The following PPFIA2 variants were observed in gnomAD, a reference collection of about 807,000 sequenced individuals.
The protein encoded by PPFIA2 is liprin-alpha-2.
A neutral mutation model predicts 175.5 loss-of-function variants in PPFIA2; 46 were observed. The ratio of observed to expected loss-of-function variants is 0.26; its 90% CI spans 0.21 to 0.34. The LOEUF (loss-of-function observed/expected upper bound fraction) is 0.34, where lower values mean the gene tolerates loss of function less well. PPFIA2 is among the 10% of genes least tolerant of loss of function. The pLI is 1.00. For synonymous variants in PPFIA2, 568 were observed against 511.4 expected, an observed-to-expected ratio of 1.11 and a Z score of -1.49; for missense variants, 1,179 against 1,506.1, an observed-to-expected ratio of 0.78 and a Z score of 3.60.
chr12:81,302,695 C>G (rs1055647805), intron 22 of PPFIA2: 1 of 452,900 alleles, frequency 2.2e-6, no homozygotes, highest in Non-Finnish European at 4.4e-6. Flanking sequence ...ATGTGCTTTT[C>G]CTTTTGAGAG....
Position 81,646,497 on chromosome 12 carries a change from T to C in PPFIA2, c.303+30294A>G, listed in dbSNP as rs2066099385. On this transcript the variant is annotated intron_variant, in intron 4 of 32. Coordinates refer to ENST00000549396, the MANE Select transcript of PPFIA2 (RefSeq NM_003625.5). ...GTAAGTAGGAAGCCACAATAGTCTA[T>C]TGCTAGGGAAGGCACAGGAATGCAA... 2.0e-5 allele frequency among the ~76,000 whole-genome samples: 3 copies of C among 152,136 alleles called. No homozygotes were observed. The South Asian group carries it at 6.2e-4, about 32-fold the overall frequency.
intron 7 of PPFIA2, among the ~76,000 whole-genome samples, chr12:81,407,252 A>T (rs758853213): frequency 5.3e-5 from 8 of 152,124 alleles, no homozygotes; most frequent in Non-Finnish European, 1.2e-4. Flanking sequence ...TGGGAGGCCA[A>T]GGTGGCCAGA....
At chr12:81,719,222 C>T (rs1279686294) in intron 3 of PPFIA2, among the ~76,000 whole-genome samples, 1 of 151,522 alleles carries the variant, frequency 6.6e-6, no homozygotes, top group Non-Finnish European at 1.5e-5. Flanking sequence ...GTGGGTTCAG[C>T]CCTCTGTTGT....
chr12:81,466,243 T>C (rs148569261), intron 4 of PPFIA2, among the ~76,000 whole-genome samples: 389 of 152,324 alleles, frequency 2.6e-3, no homozygotes, highest in African/African-American at 8.7e-3. Context: ...TGTATCTATA[T>C]TCTAATTAGA....
intron 16 of PPFIA2, 88 bp from the exon 17 acceptor site, chr12:81,353,427 T>A (rs2060354722): frequency 1.1e-6 from 1 of 927,702 alleles, no homozygotes; most frequent in African/African-American, 1.6e-5. Flanking sequence ...ACAACAGGCA[T>A]GCTTTTACAA....
chr12:81,335,909 G>T (rs2057051326), intron 21 of PPFIA2, among the ~76,000 whole-genome samples: 1 of 152,062 alleles, frequency 6.6e-6, no homozygotes, highest in Non-Finnish European at 1.5e-5. Flanking sequence ...GGTAAACTTG[G>T]CTTAAATTAT....
chr12:81,493,787 T>TATATATATACATATAC lies in PPFIA2; in HGVS notation c.304-35922_304-35921insGTATATGTATATATAT, dbSNP rs1491517743. Among the ~76,000 whole-genome samples the TATATATATACATATAC allele has an allele frequency of 4.7e-5, 6 of 128,348 alleles. No individual in the cohort carries two copies. The Admixed American group carries it at 4.8e-4, about 10-fold the overall frequency. The allele number at this position is 128,348 out of a possible 152,430, so 84.2% of individuals were successfully genotyped here. A position where few individuals can be genotyped will look rare whatever the true frequency, so the allele number is the denominator to read the frequency against. ...ATATATATATATATATATATATATA[T>TATATATATACATATAC]ACACATTGGAAAAAATAACAGCATT... On this transcript the variant is annotated intron_variant, in intron 4 of 32. Coordinates refer to ENST00000549396, the MANE Select transcript of PPFIA2 (RefSeq NM_003625.5).
chr12:81,399,586 T>A (rs1039214675), intron 8 of PPFIA2, among the ~76,000 whole-genome samples: 1 of 152,110 alleles, frequency 6.6e-6, no homozygotes, highest in African/African-American at 2.4e-5. Flanking sequence ...TACAACTTCA[T>A]GTATATATGG....
At chr12:81,386,066 T>G (rs538701237) in intron 8 of PPFIA2, among the ~76,000 whole-genome samples, 3 of 151,462 alleles carry the variant, frequency 2.0e-5, no homozygotes, top group African/African-American at 7.3e-5. Context: ...CTTGAGGCGA[T>G]GAATTTGAGA....
chr12:81,289,454 C>T (rs1039749843), intron 24 of PPFIA2, among the ~76,000 whole-genome samples: 3 of 151,746 alleles, frequency 2.0e-5, no homozygotes, highest in African/African-American at 7.2e-5. Flanking sequence ...TTACATAAAG[C>T]AAAATATAAA....
intron 24 of PPFIA2, chr12:81,294,482 GAA>G: frequency 5.4e-6 from 1 of 186,440 alleles, no homozygotes. Context: ...AGGAAGGAAG[GAA>G]GGAAAGAAGG....
chr12:81,684,816 T>C (rs1247975740), intron 3 of PPFIA2, among the ~76,000 whole-genome samples: 2 of 152,098 alleles, frequency 1.3e-5, no homozygotes, highest in South Asian at 4.1e-4. Flanking sequence ...AACTCTGTAT[T>C]TTCTCATCTC....
At chr12:81,322,237 G>T (rs2053819486) in intron 22 of PPFIA2, among the ~76,000 whole-genome samples, 1 of 152,000 alleles carries the variant, frequency 6.6e-6, no homozygotes, top group South Asian at 2.1e-4. Context: ...AAATATGAGG[G>T]CGAAAGGTAT....
intron 24 of PPFIA2, among the ~76,000 whole-genome samples, chr12:81,284,767 GA>G (rs751834985): frequency 1.3e-5 from 2 of 151,600 alleles, no homozygotes; most frequent in South Asian, 2.1e-4. Context: ...TCCTTTGAAG[GA>G]AAAAAAATGG....
At chr12:81,448,588 T>C (rs2051785060) in intron 5 of PPFIA2, among the ~76,000 whole-genome samples, 2 of 152,340 alleles carry the variant, frequency 1.3e-5, no homozygotes, top group African/African-American at 4.8e-5. Context: ...TCTGAACTTA[T>C]CTCCTATTTT....
At chr12:81,510,831 A>G (rs2147785689) in intron 4 of PPFIA2, among the ~76,000 whole-genome samples, 1 of 152,266 alleles carries the variant, frequency 6.6e-6, no homozygotes, top group Admixed American at 6.5e-5. Context: ...CATGACTAAC[A>G]AGCATAAAAA....
At chr12:81,509,733 A>G (rs2061571858) in intron 4 of PPFIA2, among the ~76,000 whole-genome samples, 1 of 152,062 alleles carries the variant, frequency 6.6e-6, no homozygotes, top group Admixed American at 6.6e-5. Flanking sequence ...GTGGACCTAG[A>G]ACAGGTTGGA....
In PPFIA2 at chr12:81,582,731, TA is replaced by T. The variant is rs961634910; in HGVS notation, c.303+94059del. Among the ~76,000 whole-genome samples the T allele has an allele frequency of 6.7e-4, 101 of 151,290 alleles. 1 individual carries two copies. Among genetic ancestry groups the T allele is most frequent in the East Asian group, 4.3e-3 (22 of 5,150 alleles). On this transcript the variant is annotated intron_variant, in intron 4 of 32. Transcript: ENST00000549396. Reference sequence around the variant, plus strand: ...ATTTCAGTTACAATATTTTACAAGGTAAAAAAAAATCTTCAAATTTGTATTA... The same window carrying T: ...ATTTCAGTTACAATATTTTACAAGGTAAAAAAAATCTTCAAATTTGTATTA...
At chr12:81,637,239 T>A (rs1397778119) in intron 4 of PPFIA2, among the ~76,000 whole-genome samples, 3 of 1,738 alleles carry the variant, frequency 1.7e-3, no homozygotes, top group African/African-American at 8.4e-3. Flanking sequence ...CAGGCTAATT[T>A]TTTTTTTTTT....
Sources: allele counts gnomAD v4.1 joint callset (sites outside exome capture counted in the v4.1 genomes callset), GRCh38; gene constraint gnomAD v4.1.1; transcripts MANE v1.5; gene names NCBI Gene and HGNC (gene_info 2026-07-23, HGNC 2026-07-21).